The following XPO4 variants were observed in gnomAD, a reference collection of about 807,000 sequenced individuals.
XPO4 encodes the protein exportin 4.
Under a neutral mutation model 143.0 loss-of-function variants are expected in XPO4, and 39 were observed. The ratio of observed to expected loss-of-function variants is 0.27; its 90% CI spans 0.21 to 0.36. The LOEUF (loss-of-function observed/expected upper bound fraction) is 0.36, where lower values mean the gene tolerates loss of function less well. XPO4 is among the 10% of genes least tolerant of loss of function. The pLI, the probability that XPO4 is intolerant of heterozygous loss-of-function variation, is 1.00. For missense variants in XPO4, 907 were observed against 1,348.0 expected (o/e 0.67, Z 5.12); for synonymous variants, 439 against 474.0 (o/e 0.93, Z 0.96).
At chr13:20,800,357 G>T in intron 14 of XPO4, 32 bp from the exon 15 acceptor site, 1 of 1,579,178 alleles carries the variant, frequency 6.3e-7, no homozygotes, top group Non-Finnish European at 8.6e-7. Context: ...TTTAAGGTAA[G>T]CAAGAAAGAT....
chr13:20,887,557 A>G (rs2060472501), intron 1 of XPO4, among the ~76,000 whole-genome samples: 1 of 152,202 alleles, frequency 6.6e-6, no homozygotes, highest in Non-Finnish European at 1.5e-5. Context: ...CAGAGTTAAG[A>G]TTAGAAAATA....
At chr13:20,785,965 AAAG>A (rs1566552092) in intron 22 of XPO4, among the ~76,000 whole-genome samples, 2 of 124,528 alleles carry the variant, frequency 1.6e-5, no homozygotes, top group East Asian at 2.8e-4. Context: ...AGAAAAAAGA[AAAG>A]AAAAAGAGAG....
chr13:20,853,057 C>T (rs1029351081), intron 4 of XPO4: 6 of 985,052 alleles, frequency 6.1e-6, no homozygotes, highest in South Asian at 9.4e-5. Context: ...CATGGCCAGC[C>T]GTGGTGGCTC....
At chr13:20,806,905 G>A (rs1432102752) in intron 13 of XPO4, among the ~76,000 whole-genome samples, 2 of 151,986 alleles carry the variant, frequency 1.3e-5, no homozygotes, top group Non-Finnish European at 2.9e-5. Flanking sequence ...AAGAATTAAC[G>A]AAAATTTTGC....
At chr13:20,825,818 A>C (rs760402846) in intron 7 of XPO4, among the ~76,000 whole-genome samples, 5 of 152,194 alleles carry the variant, frequency 3.3e-5, no homozygotes, top group African/African-American at 4.8e-5. Context: ...TCTGATTTTA[A>C]AAAGAAACCA....
chr13:20,901,319 G>A (rs1326539077), intron 1 of XPO4, among the ~76,000 whole-genome samples: 1 of 152,140 alleles, frequency 6.6e-6, no homozygotes, highest in African/African-American at 2.4e-5. Flanking sequence ...AGCCAGTGAC[G>A]AAGGACACTG....
At chr13:20,871,091 A>C (rs932589278) in intron 1 of XPO4, among the ~76,000 whole-genome samples, 66 of 152,162 alleles carry the variant, frequency 4.3e-4, no homozygotes, top group African/African-American at 1.5e-3. Context: ...TATGAGTGTA[A>C]GCCATCGTGC....
At chr13:20,807,781 A>G (rs962795827) in intron 12 of XPO4, 147 bp from the exon 13 acceptor site, 4 of 662,308 alleles carry the variant, frequency 6.0e-6, no homozygotes, top group Non-Finnish European at 6.8e-6. Context: ...GTTTATGCAA[A>G]AAAAACTTTC....
chr13:20,848,663 G>C (rs1384688356), intron 4 of XPO4: 2 of 985,186 alleles, frequency 2.0e-6, no homozygotes, highest in African/African-American at 3.5e-5. Context: ...AACTGAAGCT[G>C]TATCACTAAA....
intron 6 of XPO4, among the ~76,000 whole-genome samples, chr13:20,840,184 A>G (rs1223351267): frequency 3.3e-5 from 5 of 151,986 alleles, no homozygotes; most frequent in Non-Finnish European, 7.4e-5. Context: ...GTCTATCCTA[A>G]GAGACAAATC....
intron 1 of XPO4, among the ~76,000 whole-genome samples, chr13:20,895,653 G>A (rs745474932): frequency 1.3e-5 from 2 of 151,482 alleles, no homozygotes; most frequent in Non-Finnish European, 2.9e-5. Context: ...AAGAAGTTTA[G>A]TATAAGCCTT....
At chr13:20,899,768 T>C (rs767173534) in intron 1 of XPO4, among the ~76,000 whole-genome samples, 2 of 152,198 alleles carry the variant, frequency 1.3e-5, no homozygotes, top group African/African-American at 2.4e-5. Flanking sequence ...TACATCACTA[T>C]TTGCATTTTG....
chr13:20,809,945 T>C lies in XPO4; in HGVS notation c.1196A>G (p.Tyr399Cys). ...EEVLDKDDMV[Y>C]MEAYDKLLES... Reference sequence around the variant, plus strand: ...CAACAATTTATCATATGCTTCCATGTATACCATGTCATCTTTATCAAGCTA... The same window carrying C: ...CAACAATTTATCATATGCTTCCATGCATACCATGTCATCTTTATCAAGCTA... The change falls in exon 10 of 23, where the codon TAC becomes TGC. Residue 399 changes from tyrosine (Y) to cysteine (C), a missense_variant. Coordinates refer to ENST00000255305, the MANE Select transcript of XPO4 (RefSeq NM_022459.5). 1 of 1,610,388 alleles carries C rather than the reference T, an allele frequency of 6.2e-7. No homozygotes were observed. Among genetic ancestry groups the C allele is most frequent in the Non-Finnish European group, 8.5e-7 (1 of 1,178,736 alleles).
chr13:20,882,687 G>A (rs757295644), intron 1 of XPO4, among the ~76,000 whole-genome samples: 7 of 151,862 alleles, frequency 4.6e-5, no homozygotes, highest in African/African-American at 7.3e-5. Context: ...CAGGAGTTTG[G>A]GACCAGCCTG....
At chr13:20,805,647 C>G (rs765474908) in intron 13 of XPO4, among the ~76,000 whole-genome samples, 13 of 152,200 alleles carry the variant, frequency 8.5e-5, no homozygotes, top group Non-Finnish European at 1.8e-4. Flanking sequence ...GATACTCACT[C>G]TAGCTTTTTA....
intron 1 of XPO4, among the ~76,000 whole-genome samples, chr13:20,890,037 A>G (rs1283481216): frequency 1.3e-5 from 2 of 152,358 alleles, no homozygotes; most frequent in East Asian, 3.9e-4. Flanking sequence ...ACCAGAAGTA[A>G]TAAGAAGACA....
intron 3 of XPO4, chr13:20,856,976 C>A (rs888532155): frequency 2.2e-5 from 16 of 716,494 alleles, no homozygotes; most frequent in African/African-American, 1.9e-5. Flanking sequence ...ATATGCAAAG[C>A]ACACTACCTG....
At position 20,852,030 on chromosome 13, in the gene XPO4, G is replaced by A. The variant is rs578084959; in HGVS notation, c.456+3597C>T. ...CAAGTATGTGCTCATTCCTGAGAGA[G>A]GCAAGGGACTCTTGACCCTTCGCCT... On this transcript the variant is annotated intron_variant, in intron 4 of 22. Coordinates refer to ENST00000255305, the MANE Select transcript of XPO4 (RefSeq NM_022459.5). 4 of 985,374 alleles carry A rather than the reference G, an allele frequency of 4.1e-6. No individual in the cohort carries two copies. In the African/African-American group the frequency reaches 7.0e-5, roughly 17 times the overall value. The allele number at this position is 985,374 out of a possible 1,614,324, so 61.0% of individuals were successfully genotyped here.
intron 1 of XPO4, among the ~76,000 whole-genome samples, chr13:20,872,258 C>T (rs979689866): frequency 2.0e-5 from 3 of 152,176 alleles, no homozygotes; most frequent in African/African-American, 7.2e-5. Flanking sequence ...AATCTGCTTC[C>T]GTCTCTGCTT....
Sources: gnomAD v4.1 joint callset for allele counts (sites outside exome capture counted in the v4.1 genomes callset) on GRCh38, gnomAD v4.1.1 for gene constraint, MANE v1.5 for transcripts, NCBI Gene and HGNC (gene_info 2026-07-23, HGNC 2026-07-21) for gene names.